RNF144A: variants seen among roughly 807,000 people sequenced by gnomAD.
The protein encoded by RNF144A is E3 ubiquitin-protein ligase RNF144A.
Under a neutral mutation model 38.7 loss-of-function variants are expected in RNF144A, and 11 were observed. The ratio of observed to expected loss-of-function variants is 0.28; its 90% CI spans 0.18 to 0.47. The LOEUF (loss-of-function observed/expected upper bound fraction) is 0.47, where lower values mean the gene tolerates loss of function less well. RNF144A is among the 20% of genes least tolerant of loss of function. The pLI is 0.99. For synonymous variants in RNF144A, 149 were observed against 143.9 expected, an observed-to-expected ratio of 1.04 and a Z score of -0.25; for missense variants, 316 against 377.2, an observed-to-expected ratio of 0.84 and a Z score of 1.34.
chr2:7,063,344 G>C (rs888716732), intron 6 of RNF144A, among the ~76,000 whole-genome samples: 1 of 152,178 alleles, frequency 6.6e-6, no homozygotes, highest in African/African-American at 2.4e-5. Context: ...CTGGATGAAT[G>C]TTCACAGCTT....
chr2:7,032,109 C>T (rs985406080), intron 8 of RNF144A, among the ~76,000 whole-genome samples: 2 of 152,274 alleles, frequency 1.3e-5, no homozygotes, highest in Non-Finnish European at 2.9e-5. Flanking sequence ...CGGGCCATGG[C>T]GTACTGCCCT....
At chr2:6,929,240 G>A (rs1279547493) in intron 1 of RNF144A, among the ~76,000 whole-genome samples, 1 of 152,190 alleles carries the variant, frequency 6.6e-6, no homozygotes, top group Non-Finnish European at 1.5e-5. Flanking sequence ...TTGGCATAAG[G>A]AGAGATGAGA....
rs1306922354 is a variant in RNF144A at position 6,992,926 on chromosome 2, T to C, written c.-11-3990T>C. On this transcript the variant is annotated intron_variant, in intron 2 of 8. Coordinates refer to ENST00000320892, the MANE Select transcript of RNF144A (RefSeq NM_014746.6). ...AATTGCTTAAATTGAATAATACTTA[T>C]AATTGACCAGATGTTCCTAAAACAG... Among the ~76,000 whole-genome samples, 25 of 152,242 alleles carry C rather than the reference T, an allele frequency of 1.6e-4. 1 individual carries two copies. The highest frequency in any genetic ancestry group is 1.6e-3 in the Admixed American group (25 of 15,288).
At chr2:7,003,248 T>G (rs1670231814) in intron 3 of RNF144A, among the ~76,000 whole-genome samples, 1 of 152,216 alleles carries the variant, frequency 6.6e-6, no homozygotes. Context: ...AGTTTTTATC[T>G]GAATTGAGTG....
chr2:6,964,043 T>C (rs964970179), intron 2 of RNF144A, among the ~76,000 whole-genome samples: 2 of 151,678 alleles, frequency 1.3e-5, no homozygotes, highest in Non-Finnish European at 2.9e-5. Context: ...AGAAAAACTG[T>C]GGCAAGGGTA....
intron 1 of RNF144A, among the ~76,000 whole-genome samples, chr2:6,922,611 G>T (rs950062847): frequency 2.7e-5 from 4 of 150,790 alleles, no homozygotes; most frequent in African/African-American, 9.7e-5. Flanking sequence ...GACCCGCCCG[G>T]TTTTTCTTGT....
At chr2:6,990,463 TATAAC>T (rs1166480570) in intron 2 of RNF144A, among the ~76,000 whole-genome samples, 9 of 107,078 alleles carry the variant, frequency 8.4e-5, no homozygotes, top group South Asian at 2.8e-4. Flanking sequence ...TAATATATAA[TATAAC>T]ATATAATATA....
intron 1 of RNF144A, among the ~76,000 whole-genome samples, chr2:6,927,538 T>C (rs546304363): frequency 4.6e-5 from 7 of 152,334 alleles, no homozygotes; most frequent in African/African-American, 1.7e-4. Context: ...GCAGGACTTC[T>C]TCCTTGTGTA....
chr2:6,991,722 C>T (rs6719946), intron 2 of RNF144A, among the ~76,000 whole-genome samples: 39,736 of 152,022 alleles, frequency 0.26, 5,892 homozygotes, highest in Non-Finnish European at 0.34. Context: ...ATGCAAATGG[C>T]GAACGCAATG....
In RNF144A at chr2:7,040,375, A is replaced by C; in HGVS notation, c.*615A>C. 1.0e-6 allele frequency: 1 copy of C among 985,504 alleles called. No individual in the cohort carries two copies. The highest frequency in any genetic ancestry group is 4.7e-5 in the South Asian group (1 of 21,290). 61.0% of individuals were successfully genotyped at this position (985,504 alleles called of 1,614,324 possible). On this transcript the variant is annotated 3_prime_UTR_variant, in exon 9 of 9. Coordinates refer to ENST00000320892, the MANE Select transcript of RNF144A (RefSeq NM_014746.6). Reference sequence around the variant, plus strand: ...CTTTTCAGGAGATTTAGAAAGCCTTATGCACTCTTTGTGTTTTTCTTGAAA... The same window carrying C: ...CTTTTCAGGAGATTTAGAAAGCCTTCTGCACTCTTTGTGTTTTTCTTGAAA...
At chr2:6,993,182 C>T (rs564644454) in intron 2 of RNF144A, among the ~76,000 whole-genome samples, 1 of 152,166 alleles carries the variant, frequency 6.6e-6, no homozygotes, top group South Asian at 2.1e-4. Context: ...ATTTGAATCA[C>T]GATTTTGAGC....
At position 6,945,912 on chromosome 2, in the gene RNF144A, G is replaced by T. The variant is rs190968897; in HGVS notation, c.-12+4765G>T. ...ACCTGGGCCCTGGAACAGCAGGGCT[G>T]GGGAGCCCCTTGGAGCCTGGAGTCT... On this transcript the variant is annotated intron_variant, in intron 2 of 8. Coordinates refer to ENST00000320892, the MANE Select transcript of RNF144A (RefSeq NM_014746.6). Among the ~76,000 whole-genome samples the T allele has an allele frequency of 7.2e-4, 109 of 152,264 alleles. 1 individual carries two copies. Among genetic ancestry groups the T allele is most frequent in the South Asian group, 3.5e-3 (17 of 4,830 alleles).
At chr2:7,026,056 A>C (rs750972086) in intron 7 of RNF144A, among the ~76,000 whole-genome samples, 2 of 152,202 alleles carry the variant, frequency 1.3e-5, no homozygotes, top group Non-Finnish European at 2.9e-5. Flanking sequence ...CAGGCCTCCA[A>C]GGTGAAGGAG....
At chr2:7,002,035 T>G (rs1670141379) in intron 3 of RNF144A, among the ~76,000 whole-genome samples, 2 of 152,224 alleles carry the variant, frequency 1.3e-5, no homozygotes, top group South Asian at 4.1e-4. Flanking sequence ...TTCCTATATA[T>G]TTGCAAGATC....
At chr2:6,987,023 T>C (rs1238848098) in intron 2 of RNF144A, among the ~76,000 whole-genome samples, 1 of 152,154 alleles carries the variant, frequency 6.6e-6, no homozygotes, top group African/African-American at 2.4e-5. Flanking sequence ...TGTCTTTCTC[T>C]GCATCTCATT....
chr2:6,920,617 T>G lies in RNF144A; in HGVS notation c.-212+2995T>G, dbSNP rs116766519. On this transcript the variant is annotated intron_variant, in intron 1 of 8. Transcript: ENST00000320892. ...GGCAGCCCAGAGGCGGGGAATGGAA[T>G]GGAGTGCTTCTAAGGAAGAGGGACT... Among the ~76,000 whole-genome samples the G allele has an allele frequency of 5.5e-3, 833 of 152,318 alleles. 5 individuals are homozygous for G. Among genetic ancestry groups the G allele is most frequent in the African/African-American group, 0.019 (785 of 41,576 alleles).
chr2:7,033,218 A>G (rs1012096161), intron 8 of RNF144A, among the ~76,000 whole-genome samples: 4 of 152,248 alleles, frequency 2.6e-5, no homozygotes, highest in African/African-American at 9.6e-5. Flanking sequence ...TGGTGTGAAC[A>G]GGGCTCAGCC....
At chr2:7,027,930 G>A (rs904237523) in intron 7 of RNF144A, among the ~76,000 whole-genome samples, 8 of 143,360 alleles carry the variant, frequency 5.6e-5, no homozygotes, top group Non-Finnish European at 9.1e-5. Flanking sequence ...CTGGCTGTGT[G>A]TCAGCCACTC....
At chr2:6,975,821 G>C (rs1031980480) in intron 2 of RNF144A, among the ~76,000 whole-genome samples, 1 of 152,178 alleles carries the variant, frequency 6.6e-6, no homozygotes, top group Non-Finnish European at 1.5e-5. Context: ...GCGAGACCCT[G>C]TCTCAAAAAA....
Sources: allele counts gnomAD v4.1 joint callset (sites outside exome capture counted in the v4.1 genomes callset), GRCh38; gene constraint gnomAD v4.1.1; transcripts MANE v1.5; gene names NCBI Gene and HGNC (gene_info 2026-07-23, HGNC 2026-07-21).